The following TPCN2 variants were observed in gnomAD, a reference collection of about 807,000 sequenced individuals.
The protein encoded by TPCN2 is two pore channel protein 2.
Under a neutral mutation model 111.4 loss-of-function variants are expected in TPCN2, and 92 were observed. The ratio of observed to expected loss-of-function variants is 0.83; its 90% CI spans 0.70 to 0.98. TPCN2 has a LOEUF of 0.98. Ranked by LOEUF, TPCN2 falls within the 50% of genes least tolerant of loss-of-function variation. The pLI is 0.00. For missense variants in TPCN2, 995 were observed against 980.1 expected, an observed-to-expected ratio of 1.02 and a Z score of -0.20; for synonymous variants, 405 against 414.5, an observed-to-expected ratio of 0.98 and a Z score of 0.28.
chr11:69,067,509 G>A lies in TPCN2; in HGVS notation c.733G>A (p.Asp245Asn), dbSNP rs1260308010. 2 of 1,613,328 alleles carry A rather than the reference G, an allele frequency of 1.2e-6. No homozygotes were observed. The highest frequency in any genetic ancestry group is 1.7e-6 in the Non-Finnish European group (2 of 1,179,960). Reference protein sequence around the residue: ...MLLFAGGKQDDGQDRERLTYF... With the variant: ...MLLFAGGKQDNGQDRERLTYF... ...CTGCCGCTTCTGCTCTTAGCAGGATGATGGGCAGGACAGGGAGAGGCTGAC... is the reference window on the plus strand; with the variant it reads ...CTGCCGCTTCTGCTCTTAGCAGGATAATGGGCAGGACAGGGAGAGGCTGAC... Residue 245 changes from aspartate (D) to asparagine (N), a missense_variant, in exon 8 of 25, where the codon GAT becomes AAT. Asp to Asn is a conservative substitution (Grantham distance 23). Transcript: ENST00000294309.
chr11:69,057,635 G>T lies in TPCN2; in HGVS notation c.487G>T (p.Val163Leu), dbSNP rs79490424. 107 of 1,614,206 alleles carry T rather than the reference G, an allele frequency of 6.6e-5. No individual in the cohort carries two copies. The East Asian group carries it at 2.3e-3, about 35-fold the overall frequency. ...AAACCTTTGGCTGCTGGGCTACCTC[G>T]TGGTGCTGGTGGTGTCTCTGGTGGA... ...QKNLWLLGYL[V>L]VLVVSLVDWT... Residue 163 changes from valine to leucine, a missense_variant, in exon 5 of 25, where the codon GTG becomes TTG. Coordinates refer to ENST00000294309, the MANE Select transcript of TPCN2 (RefSeq NM_139075.4).
chr11:69,072,854 C>T (rs546346081), intron 12 of TPCN2, 61 bp from the exon 13 acceptor site: 2 of 1,538,552 alleles, frequency 1.3e-6, no homozygotes, highest in East Asian at 2.2e-5. Context: ...TGGGGGCGCT[C>T]ACCTTCGAGG....
In TPCN2 at chr11:69,054,028, T is replaced by C; in HGVS notation, c.110-5T>C. ...GGTCACCTGATGTGTCCCCTCTGCC[T>C]GCAGGTGCCGCGGCCAGGTGGGACC... On this transcript the variant is annotated splice_polypyrimidine_tract_variant and splice_region_variant and intron_variant, in intron 1 of 24. Coordinates refer to ENST00000294309, the MANE Select transcript of TPCN2 (RefSeq NM_139075.4). The C allele has an allele frequency of 3.7e-6, 6 of 1,613,560 alleles. No individual in the cohort carries two copies. The highest frequency in any genetic ancestry group is 4.2e-6 in the Non-Finnish European group (5 of 1,179,696).
At chr11:69,070,026 CT>C (rs34320189) in intron 8 of TPCN2, among the ~76,000 whole-genome samples, 61,017 of 143,680 alleles carry the variant, frequency 0.42, 12,518 homozygotes, top group Non-Finnish European at 0.48. Context: ...TTCTTTCTTT[CT>C]TTTTTTTTTT....
At chr11:69,054,164 CA>C in intron 2 of TPCN2, 67 bp downstream of exon 2, 1 of 1,343,362 alleles carries the variant, frequency 7.4e-7, no homozygotes, top group Non-Finnish European at 1.1e-6. Context: ...CTCGCCCCTC[CA>C]GGGGCGACTG....
At chr11:69,087,015 G>GC in intron 23 of TPCN2, 97 bp from the exon 24 acceptor site, 1 of 1,015,704 alleles carries the variant, frequency 9.8e-7, no homozygotes, top group Non-Finnish European at 1.5e-6. Flanking sequence ...AGCCCCCTCA[G>GC]CGGGTGCCCT....
chr11:69,049,673 G>T (rs1277728529), intron 1 of TPCN2, among the ~76,000 whole-genome samples: 1 of 152,104 alleles, frequency 6.6e-6, no homozygotes, highest in Admixed American at 6.5e-5. Flanking sequence ...TTCCCGTGGG[G>T]CTGGGGCGGG....
chr11:69,050,823 A>T (rs1380335416), intron 1 of TPCN2, among the ~76,000 whole-genome samples: 1 of 152,186 alleles, frequency 6.6e-6, no homozygotes, highest in Admixed American at 6.5e-5. Flanking sequence ...CGTCCTGGGT[A>T]AGCTCTGTGA....
chr11:69,057,286 G>A lies in TPCN2; in HGVS notation c.430-292G>A, dbSNP rs114908701. Among the ~76,000 whole-genome samples, 1,030 of 152,338 alleles carry A rather than the reference G, an allele frequency of 6.8e-3. 14 individuals carry two copies. The highest frequency in any genetic ancestry group is 0.024 in the African/African-American group (990 of 41,572). Reference sequence around the variant, plus strand: ...CCAGAGTGCATTCCATGTCTTCTCAGCCTGCACAAGGTGGTTGTTAGATAG... The same window carrying A: ...CCAGAGTGCATTCCATGTCTTCTCAACCTGCACAAGGTGGTTGTTAGATAG... On this transcript the variant is annotated intron_variant, in intron 4 of 24. Coordinates refer to ENST00000294309, the MANE Select transcript of TPCN2 (RefSeq NM_139075.4).
At chr11:69,049,904 C>T (rs577118657) in intron 1 of TPCN2, among the ~76,000 whole-genome samples, 3 of 152,318 alleles carry the variant, frequency 2.0e-5, no homozygotes, top group Non-Finnish European at 4.4e-5. Flanking sequence ...GAAACTGAGG[C>T]CCAGAGAGGC....
At chr11:69,063,806 G>A (rs1377222233) in intron 6 of TPCN2, 89 bp from the exon 7 acceptor site, 14 of 1,278,752 alleles carry the variant, frequency 1.1e-5, no homozygotes, top group Non-Finnish European at 1.4e-5. Context: ...CAGACTCTTG[G>A]GCGCTCCTGT....
At chr11:69,064,840 G>C (rs1855192880) in intron 7 of TPCN2, among the ~76,000 whole-genome samples, 1 of 152,102 alleles carries the variant, frequency 6.6e-6, no homozygotes, top group African/African-American at 2.4e-5. Context: ...GTGCATGTTT[G>C]TTTGTATGTG....
rs568565564 is a variant in TPCN2 at position 69,082,119 on chromosome 11, C to T, written c.1689+620C>T. ...CCTTCCTCTGAGCTGTGCACCTGTC[C>T]CACCTGACAGTATGTCCCACTTGAA... On this transcript the variant is annotated intron_variant, in intron 18 of 24. Coordinates refer to ENST00000294309, the MANE Select transcript of TPCN2 (RefSeq NM_139075.4). Among the ~76,000 whole-genome samples the T allele has an allele frequency of 2.6e-5, 4 of 152,310 alleles. No homozygotes were observed. In the South Asian group the frequency reaches 8.3e-4, roughly 32 times the overall value.
rs750133475 is a variant in TPCN2 at position 69,086,616 on chromosome 11, C to A, written c.2085+12C>A. ...CCCTGATTCTGGAGGTATCAGAGAT[C>A]CCCACCCAGGCTGTTCTCCATGGTC... On this transcript the variant is annotated intron_variant, in intron 23 of 24. Coordinates refer to ENST00000294309, the MANE Select transcript of TPCN2 (RefSeq NM_139075.4). 1.2e-5 allele frequency: 19 copies of A among 1,612,196 alleles called. No homozygotes were observed. Among genetic ancestry groups the A allele is most frequent in the South Asian group, 5.5e-5 (5 of 91,056 alleles).
chr11:69,076,788 A>T (rs1466391548), intron 13 of TPCN2, among the ~76,000 whole-genome samples: 1 of 10,712 alleles, frequency 9.3e-5, no homozygotes, highest in Non-Finnish European at 3.1e-4. Flanking sequence ...GTGTCCCTCC[A>T]CCTGCCCTCC....
In TPCN2 at chr11:69,057,223, G is replaced by T. The variant is rs369771703; in HGVS notation, c.430-355G>T. Among the ~76,000 whole-genome samples the T allele has an allele frequency of 4.9e-4, 74 of 152,362 alleles. No individual in the cohort carries two copies. The East Asian group carries it at 0.01, about 21-fold the overall frequency. On this transcript the variant is annotated intron_variant, in intron 4 of 24. Transcript: ENST00000294309. ...CCCAAGCTGCCTTGCTGTGGCGGCG[G>T]AGACCTGCCCACTGAGCTGGTATTT... is the stretch of plus-strand genomic sequence containing the variant.
At chr11:69,058,210 C>T (rs1222675463) in intron 5 of TPCN2, among the ~76,000 whole-genome samples, 3 of 152,298 alleles carry the variant, frequency 2.0e-5, no homozygotes, top group African/African-American at 4.8e-5. Flanking sequence ...GAGGTGGGTG[C>T]GGAGTCAGCA....
chr11:69,059,798 G>A (rs1247120146), intron 5 of TPCN2, among the ~76,000 whole-genome samples: 1 of 152,228 alleles, frequency 6.6e-6, no homozygotes, highest in Non-Finnish European at 1.5e-5. Context: ...GAGGACAGAT[G>A]AGCGATGGTT....
chr11:69,087,324 G>C, intron 24 of TPCN2, 118 bp downstream of exon 24: 1 of 839,456 alleles, frequency 1.2e-6, no homozygotes, highest in Non-Finnish European at 1.9e-6. Context: ...CCTCCGCCCG[G>C]TTATCTGGCT....
Sources: gnomAD v4.1 joint callset for allele counts (sites outside exome capture counted in the v4.1 genomes callset) on GRCh38, gnomAD v4.1.1 for gene constraint, MANE v1.5 for transcripts, NCBI Gene and HGNC (gene_info 2026-07-23, HGNC 2026-07-21) for gene names.